MYO3B: variants seen among roughly 807,000 people sequenced by gnomAD.
MYO3B encodes the protein myosin IIIB.
Under a neutral mutation model 174.6 loss-of-function variants are expected in MYO3B, and 156 were observed. The observed-to-expected ratio is 0.89, with a 90% confidence interval of 0.78 to 1.02. The LOEUF is 1.02. Ranked by LOEUF, MYO3B falls within the 50% of genes least tolerant of loss-of-function variation. The pLI is 0.00. For synonymous variants in MYO3B, 563 were observed against 569.1 expected (o/e 0.99, Z 0.15); for missense variants, 1,632 against 1,639.4 (o/e 1.00, Z 0.08).
chr2:170,614,026 A>G (rs1175243912), intron 32 of MYO3B, among the ~76,000 whole-genome samples: 3 of 151,568 alleles, frequency 2.0e-5, no homozygotes, highest in Admixed American at 1.3e-4. Context: ...ACAAGCTCCC[A>G]CTCCCATCCC....
At chr2:170,386,363 T>A (rs976537004) in intron 13 of MYO3B, 91 bp downstream of exon 13, 28 of 1,093,294 alleles carry the variant, frequency 2.6e-5, no homozygotes, top group Non-Finnish European at 3.8e-5. Context: ...GGGTTTTTTT[T>A]ATTAAGGCTT....
At chr2:170,650,947 G>A (rs977763291) in intron 32 of MYO3B, among the ~76,000 whole-genome samples, 3 of 151,938 alleles carry the variant, frequency 2.0e-5, no homozygotes, top group Admixed American at 6.6e-5. Flanking sequence ...CTCCCACTGC[G>A]CCCAGCCATG....
intron 32 of MYO3B, among the ~76,000 whole-genome samples, chr2:170,563,028 GCATACA>G (rs903455710): frequency 4.1e-4 from 22 of 53,130 alleles, no homozygotes; most frequent in African/African-American, 1.4e-3. Context: ...TGTAAAACAT[GCATACA>G]CACACACACA....
intron 6 of MYO3B, among the ~76,000 whole-genome samples, chr2:170,224,319 A>C (rs1404691599): frequency 6.6e-6 from 1 of 152,250 alleles, no homozygotes; most frequent in African/African-American, 2.4e-5. Flanking sequence ...TACCTAGTAA[A>C]TATTGAAGCT....
At chr2:170,488,794 C>T (rs1686244640) in intron 25 of MYO3B, among the ~76,000 whole-genome samples, 2 of 152,162 alleles carry the variant, frequency 1.3e-5, no homozygotes, top group Admixed American at 6.5e-5. Flanking sequence ...TAACAGGACT[C>T]TAATAATCTG....
intron 8 of MYO3B, among the ~76,000 whole-genome samples, chr2:170,352,825 T>G (rs1056502469): frequency 2.0e-5 from 3 of 152,154 alleles, no homozygotes; most frequent in African/African-American, 7.2e-5. Context: ...ATATAACTTT[T>G]GACAATAAAA....
At chr2:170,609,911 A>G (rs1695032625) in intron 32 of MYO3B, among the ~76,000 whole-genome samples, 1 of 152,206 alleles carries the variant, frequency 6.6e-6, no homozygotes, top group Non-Finnish European at 1.5e-5. Context: ...CATGTGTTCA[A>G]ATTGATTTGG....
intron 7 of MYO3B, among the ~76,000 whole-genome samples, chr2:170,252,373 C>T (rs952537140): frequency 6.6e-6 from 1 of 152,094 alleles, no homozygotes; most frequent in African/African-American, 2.4e-5. Context: ...GAAAGAATGA[C>T]CTTAGGTGAA....
chr2:170,550,242 T>G (rs1349833888), intron 32 of MYO3B, among the ~76,000 whole-genome samples: 1 of 152,180 alleles, frequency 6.6e-6, no homozygotes, highest in African/African-American at 2.4e-5. Context: ...CTCAGTAAAA[T>G]GACAAAGGAA....
chr2:170,267,597 G>A (rs1263739495), intron 7 of MYO3B, among the ~76,000 whole-genome samples: 1 of 152,112 alleles, frequency 6.6e-6, no homozygotes, highest in Non-Finnish European at 1.5e-5. Context: ...TCCCTTAGCT[G>A]GTCTTGAGCT....
intron 22 of MYO3B, among the ~76,000 whole-genome samples, chr2:170,432,677 C>T (rs2094720138): frequency 6.6e-6 from 1 of 151,684 alleles, no homozygotes; most frequent in Non-Finnish European, 1.5e-5. Flanking sequence ...CCCGGGTTCG[C>T]ACCATTCTCC....
intron 8 of MYO3B, among the ~76,000 whole-genome samples, chr2:170,361,229 G>C (rs1219650031): frequency 6.6e-6 from 1 of 152,162 alleles, no homozygotes; most frequent in Non-Finnish European, 1.5e-5. Context: ...ACCTTCTCCA[G>C]CCCTTTGAAC....
intron 30 of MYO3B, among the ~76,000 whole-genome samples, chr2:170,533,376 T>A (rs1689477171): frequency 6.7e-6 from 1 of 150,006 alleles, no homozygotes; most frequent in South Asian, 2.1e-4. Context: ...AAGTACTACT[T>A]TCAGAATTAA....
At chr2:170,445,569 G>A (rs1426760312) in intron 23 of MYO3B, among the ~76,000 whole-genome samples, 3 of 151,978 alleles carry the variant, frequency 2.0e-5, no homozygotes, top group South Asian at 2.1e-4. Context: ...TCCAACTCCC[G>A]ACCTCAGGTG....
intron 32 of MYO3B, among the ~76,000 whole-genome samples, chr2:170,639,053 A>C (rs1463534492): frequency 1.3e-5 from 2 of 152,200 alleles, no homozygotes; most frequent in African/African-American, 2.4e-5. Context: ...TGCTGCAGGG[A>C]ATCAAAGACC....
Position 170,544,706 on chromosome 2 carries a change from A to C in MYO3B, c.3733+718A>C, listed in dbSNP as rs73978704. Among the ~76,000 whole-genome samples the C allele has an allele frequency of 3.0e-3, 450 of 152,356 alleles. 6 individuals are homozygous for C. Among genetic ancestry groups the C allele is most frequent in the African/African-American group, 0.01 (427 of 41,576 alleles). On this transcript the variant is annotated intron_variant, in intron 32 of 34. Coordinates refer to ENST00000408978, the MANE Select transcript of MYO3B (RefSeq NM_138995.5). The stretch of plus-strand genomic sequence containing the variant: ...CTGTTTTTCGGTGACAAAGTAGCAC[A>C]GTATGAAGTGGGAAATGCATAATAA...
chr2:170,466,892 C>A (rs926605858), intron 25 of MYO3B, among the ~76,000 whole-genome samples, 181 bp downstream of exon 25: 2 of 152,190 alleles, frequency 1.3e-5, no homozygotes, highest in African/African-American at 4.8e-5. Context: ...CTGCAGTGAT[C>A]CAGCAGCCAG....
At chr2:170,310,680 A>AAAAAG (rs1387618658) in intron 7 of MYO3B, among the ~76,000 whole-genome samples, 1 of 151,414 alleles carries the variant, frequency 6.6e-6, no homozygotes, top group Non-Finnish European at 1.5e-5. Flanking sequence ...AAAAAAAAAA[A>AAAAAG]AAAAAAAGAA....
chr2:170,620,229 A>G (rs1016495776), intron 32 of MYO3B, among the ~76,000 whole-genome samples: 10 of 152,304 alleles, frequency 6.6e-5, no homozygotes, highest in Middle Eastern at 3.4e-3. Flanking sequence ...AATTTCATAC[A>G]AATACCTCAG....
Sources: allele counts gnomAD v4.1 joint callset (sites outside exome capture counted in the v4.1 genomes callset), GRCh38; gene constraint gnomAD v4.1.1; transcripts MANE v1.5; gene names NCBI Gene and HGNC (gene_info 2026-07-23, HGNC 2026-07-21).